The following SGCZ variants were observed in gnomAD, a reference collection of about 807,000 sequenced individuals.
SGCZ encodes sarcoglycan zeta.
SGCZ carries 40 observed loss-of-function variants against 41.3 expected under a neutral mutation model. The ratio of observed to expected loss-of-function variants is 0.97; its 90% confidence interval spans 0.75 to 1.26. The LOEUF (loss-of-function observed/expected upper bound fraction) is 1.26. Among genes scored for constraint, SGCZ ranks in the 50% most tolerant of loss-of-function variants. The pLI, the probability that SGCZ is intolerant of heterozygous loss-of-function variation, is 0.00. For synonymous variants in SGCZ, 206 were observed against 137.5 expected, an observed-to-expected ratio of 1.50 and a Z score of -3.49; for missense variants, 552 against 369.8, an observed-to-expected ratio of 1.49 and a Z score of -4.04.
chr8:14,627,242 C>A (rs767395907), intron 1 of SGCZ, among the ~76,000 whole-genome samples: 1 of 152,116 alleles, frequency 6.6e-6, no homozygotes, highest in East Asian at 1.9e-4. Flanking sequence ...CCACACAGAA[C>A]CTTTAGTTTA....
intron 2 of SGCZ, among the ~76,000 whole-genome samples, chr8:14,429,802 G>A (rs28626517): frequency 0.012 from 1,852 of 151,482 alleles, 30 homozygotes; most frequent in African/African-American, 0.042. Context: ...TTTTTTTTTA[G>A]TGGTAATTTA....
intron 1 of SGCZ, among the ~76,000 whole-genome samples, chr8:14,682,342 T>C (rs1237183527): frequency 1.3e-5 from 2 of 152,124 alleles, no homozygotes; most frequent in African/African-American, 4.8e-5. Context: ...ATGGTGATAA[T>C]AGGAACAATA....
intron 1 of SGCZ, among the ~76,000 whole-genome samples, chr8:14,807,439 G>C (rs1355618207): frequency 6.6e-6 from 1 of 152,180 alleles, no homozygotes; most frequent in South Asian, 2.1e-4. Context: ...ACCAAGAGCA[G>C]ACAAACAGAG....
chr8:14,115,011 T>C (rs11203576), intron 5 of SGCZ, among the ~76,000 whole-genome samples: 23,391 of 151,916 alleles, frequency 0.15, 2,045 homozygotes, highest in African/African-American at 0.24. Flanking sequence ...TTAAAAATTG[T>C]ACATAAATAA....
At chr8:14,436,377 T>C (rs940267829) in intron 2 of SGCZ, among the ~76,000 whole-genome samples, 6 of 152,188 alleles carry the variant, frequency 3.9e-5, no homozygotes, top group Non-Finnish European at 7.3e-5. Context: ...TGAACTTTAT[T>C]TTTTTCTGAG....
chr8:15,121,020 G>GA (rs1807457943), intron 1 of SGCZ, among the ~76,000 whole-genome samples: 1 of 152,192 alleles, frequency 6.6e-6, no homozygotes, highest in Non-Finnish European at 1.5e-5. Flanking sequence ...CATTGGATAA[G>GA]TGAGCCAACA....
At chr8:14,494,301 T>C (rs897903814) in intron 2 of SGCZ, among the ~76,000 whole-genome samples, 9 of 152,108 alleles carry the variant, frequency 5.9e-5, no homozygotes, top group Admixed American at 5.9e-4. Flanking sequence ...TTACACAAAA[T>C]AGGGAGCACT....
At chr8:15,109,444 A>T (rs1806960975) in intron 1 of SGCZ, among the ~76,000 whole-genome samples, 1 of 152,140 alleles carries the variant, frequency 6.6e-6, no homozygotes, top group Admixed American at 6.5e-5. Flanking sequence ...TTATACGAGA[A>T]ATGATCACAG....
In SGCZ at chr8:14,645,252, A is replaced by C. The variant is rs534112935; in HGVS notation, c.40-90326T>G. Among the ~76,000 whole-genome samples the C allele has an allele frequency of 8.2e-5, 12 of 146,410 alleles. No individual in the cohort carries two copies. The South Asian group carries it at 2.5e-3, about 31-fold the overall frequency. On this transcript the variant is annotated intron_variant, in intron 1 of 7. Coordinates refer to ENST00000382080, the MANE Select transcript of SGCZ (RefSeq NM_139167.4). The stretch of plus-strand genomic sequence containing the variant: ...AAGGGTTCACAATGACAACTTCTTC[A>C]ATTTTTTGATGAAATATTTCTTTCT...
At chr8:14,397,705 G>C (rs1006300205) in intron 2 of SGCZ, among the ~76,000 whole-genome samples, 1 of 152,088 alleles carries the variant, frequency 6.6e-6, no homozygotes, top group Admixed American at 6.6e-5. Flanking sequence ...AAGGGCAGGT[G>C]AATGTATCTG....
chr8:15,225,982 AC>A (rs1257259483), intron 1 of SGCZ, among the ~76,000 whole-genome samples: 1 of 152,140 alleles, frequency 6.6e-6, no homozygotes, highest in Non-Finnish European at 1.5e-5. Flanking sequence ...CCACATTGTA[AC>A]CCCCATAGAA....
chr8:14,833,818 C>A (rs555891117), intron 1 of SGCZ, among the ~76,000 whole-genome samples: 212 of 96,904 alleles, frequency 2.2e-3, no homozygotes, highest in African/African-American at 0.014. Flanking sequence ...TAGGGATGAT[C>A]CAGGAAAAAA....
chr8:14,782,628 G>C (rs1355642715), intron 1 of SGCZ, among the ~76,000 whole-genome samples: 1 of 152,124 alleles, frequency 6.6e-6, no homozygotes, highest in Non-Finnish European at 1.5e-5. Flanking sequence ...CAATCCAGTT[G>C]TGACTCAGAT....
At chr8:14,739,141 T>C (rs972858596) in intron 1 of SGCZ, among the ~76,000 whole-genome samples, 14 of 152,030 alleles carry the variant, frequency 9.2e-5, no homozygotes, top group African/African-American at 2.7e-4. Context: ...AGAGAGAGAA[T>C]AGTTCTTTAG....
intron 1 of SGCZ, among the ~76,000 whole-genome samples, chr8:14,631,960 T>C (rs1301955602): frequency 2.6e-5 from 4 of 152,180 alleles, no homozygotes; most frequent in African/African-American, 7.2e-5. Flanking sequence ...CACATAATGT[T>C]TGTTACATTA....
At chr8:14,190,106 G>A (rs548491095) in intron 4 of SGCZ, among the ~76,000 whole-genome samples, 27 of 141,038 alleles carry the variant, frequency 1.9e-4, no homozygotes, top group East Asian at 1.1e-3. Flanking sequence ...TCCGCCTCTG[G>A]GGTTCACGCC....
chr8:14,784,913 A>AAAAAAAAATATATATAT (rs1408574493), intron 1 of SGCZ, among the ~76,000 whole-genome samples: 1 of 88,036 alleles, frequency 1.1e-5, no homozygotes, highest in African/African-American at 4.7e-5. Context: ...AAAAAAAAAA[A>AAAAAAAAATATATATAT]ATATATATAT....
chr8:14,984,195 T>A (rs1801758017), intron 1 of SGCZ, among the ~76,000 whole-genome samples: 1 of 152,136 alleles, frequency 6.6e-6, no homozygotes, highest in Non-Finnish European at 1.5e-5. Context: ...TTATCCATAC[T>A]CTCCAATCCT....
intron 1 of SGCZ, among the ~76,000 whole-genome samples, chr8:15,105,965 T>C (rs915160478): frequency 6.6e-6 from 1 of 152,208 alleles, no homozygotes; most frequent in Non-Finnish European, 1.5e-5. Flanking sequence ...AATTAACCTG[T>C]GAAATCTGCT....
Sources: gnomAD v4.1 joint callset for allele counts (sites outside exome capture counted in the v4.1 genomes callset) on GRCh38, gnomAD v4.1.1 for gene constraint, MANE v1.5 for transcripts, NCBI Gene and HGNC (gene_info 2026-07-23, HGNC 2026-07-21) for gene names.